The following CLSTN1 variants were observed in gnomAD, a reference collection of about 807,000 sequenced individuals.
The protein encoded by CLSTN1 is calsyntenin 1, also known as calsyntenin-1.
CLSTN1 carries 28 observed loss-of-function variants against 108.3 expected under a neutral mutation model. That is an observed-to-expected ratio of 0.26 (90% CI 0.19 to 0.35). The LOEUF is 0.35. CLSTN1 is among the 10% of genes least tolerant of loss of function. The pLI, the probability that CLSTN1 is intolerant of heterozygous loss-of-function variation, is 1.00. For missense variants in CLSTN1, 1,157 were observed against 1,302.6 expected (o/e 0.89, Z 1.72); for synonymous variants, 524 against 534.9 (o/e 0.98, Z 0.28).
At position 9,739,190 on chromosome 1, in the gene CLSTN1, T is replaced by C. The variant is rs562313386; in HGVS notation, c.1520-1636A>G. Among the ~76,000 whole-genome samples the C allele has an allele frequency of 4.6e-5, 7 of 152,288 alleles. No individual in the cohort carries two copies. In the East Asian group the frequency reaches 9.6e-4, roughly 21 times the overall value. On this transcript the variant is annotated intron_variant, in intron 10 of 18. Coordinates refer to ENST00000377298, the MANE Select transcript of CLSTN1 (RefSeq NM_001009566.3). ...ATTCAGCATTTCCTTTGGCAATAAATGTAGGCTACACACCACAGCAGTTAG... is the reference window on the plus strand; with the variant it reads ...ATTCAGCATTTCCTTTGGCAATAAACGTAGGCTACACACCACAGCAGTTAG...
chr1:9,776,811 T>TATC (rs938828523), intron 1 of CLSTN1, among the ~76,000 whole-genome samples: 1 of 151,978 alleles, frequency 6.6e-6, no homozygotes, highest in African/African-American at 2.4e-5. Context: ...TCTATCTATC[T>TATC]ATCAGCATTT....
chr1:9,756,182 C>G (rs1651797382), intron 3 of CLSTN1, among the ~76,000 whole-genome samples: 1 of 152,182 alleles, frequency 6.6e-6, no homozygotes, highest in African/African-American at 2.4e-5. Context: ...GACTGCACTC[C>G]TTCCACAATT....
chr1:9,782,335 T>C lies in CLSTN1; in HGVS notation c.92-8941A>G, dbSNP rs1449310722. ...CTAAAAAAATGTGTAAAATGAAACA[T>C]AGCAAACATGCCAAACTCCTGTTTA... On this transcript the variant is annotated intron_variant, in intron 1 of 18. Transcript: ENST00000377298. 2.6e-5 allele frequency among the ~76,000 whole-genome samples: 4 copies of C among 152,194 alleles called. No individual in the cohort carries two copies. The South Asian group carries it at 6.2e-4, about 24-fold the overall frequency.
At chr1:9,814,617 G>A (rs1406481515) in intron 1 of CLSTN1, among the ~76,000 whole-genome samples, 1 of 152,186 alleles carries the variant, frequency 6.6e-6, no homozygotes, top group Admixed American at 6.5e-5. Flanking sequence ...TGTAATGAAT[G>A]AAGAAATGTC....
intron 16 of CLSTN1, among the ~76,000 whole-genome samples, chr1:9,732,774 C>T (rs952104308): frequency 6.6e-6 from 1 of 152,218 alleles, no homozygotes; most frequent in Non-Finnish European, 1.5e-5. Flanking sequence ...TGGTCCTGCC[C>T]GTGCGGGTCC....
At chr1:9,781,975 T>C (rs909333932) in intron 1 of CLSTN1, among the ~76,000 whole-genome samples, 1 of 152,202 alleles carries the variant, frequency 6.6e-6, no homozygotes, top group Non-Finnish European at 1.5e-5. Context: ...TGGATTTATA[T>C]TGTATTGGGC....
rs1451521325 is a variant in CLSTN1 at position 9,734,260 on chromosome 1, G to C, written c.2111-118C>G. On this transcript the variant is annotated intron_variant, in intron 14 of 18. Coordinates refer to ENST00000377298, the MANE Select transcript of CLSTN1 (RefSeq NM_001009566.3). The surrounding 1 kb of genome is among the most constrained non-coding windows in gnomAD (Gnocchi z 4.8). ...CTACATGGCTCTCGTAAGGACCAAC[G>C]ACAGAAGCAAGCGAGAGTTGCTTTC... 1.0e-6 allele frequency: 1 copy of C among 981,860 alleles called. No individual in the cohort carries two copies. The highest frequency in any genetic ancestry group is 2.3e-5 in the Admixed American group (1 of 43,132). The allele number at this position is 981,860 out of a possible 1,614,324, so 60.8% of individuals were successfully genotyped here. A position where few individuals can be genotyped will look rare whatever the true frequency, so the allele number is the denominator to read the frequency against.
intron 2 of CLSTN1, among the ~76,000 whole-genome samples, chr1:9,760,332 A>C (rs1376586382): frequency 6.6e-6 from 1 of 152,132 alleles, no homozygotes; most frequent in Non-Finnish European, 1.5e-5. Context: ...GGGCTTTGCA[A>C]AACTCAGGCA....
chr1:9,744,350 A>G (rs1432447087), intron 8 of CLSTN1, 45 bp downstream of exon 8: 1 of 1,569,758 alleles, frequency 6.4e-7, no homozygotes, highest in Non-Finnish European at 8.6e-7. Flanking sequence ...CACCCACCCT[A>G]CTGGACACTG....
chr1:9,763,504 T>C (rs1377626457), intron 2 of CLSTN1, among the ~76,000 whole-genome samples: 1 of 152,190 alleles, frequency 6.6e-6, no homozygotes, highest in Non-Finnish European at 1.5e-5. Context: ...ACAGACAGTC[T>C]GCAGACCTGG....
intron 1 of CLSTN1, among the ~76,000 whole-genome samples, chr1:9,811,962 C>T (rs1654777155): frequency 6.6e-6 from 1 of 151,948 alleles, no homozygotes; most frequent in Non-Finnish European, 1.5e-5. Flanking sequence ...ACAGTTAAAC[C>T]CCATCTCTAC....
chr1:9,773,335 TGTC>T lies in CLSTN1; in HGVS notation c.148_150del (p.Asp50del). On this transcript the variant is annotated inframe_deletion, in exon 2 of 19. Transcript: ENST00000377298. ...AGTGGGGGGTCGAGGAGCACGGTGT[TGTC>T]GTTCTCTGTGACTATGCCGTGGTAG... 1.2e-6 allele frequency: 2 copies of T among 1,614,174 alleles called. No homozygotes were observed. Among genetic ancestry groups the T allele is most frequent in the Non-Finnish European group, 1.7e-6 (2 of 1,180,026 alleles).
intron 1 of CLSTN1, among the ~76,000 whole-genome samples, chr1:9,822,119 A>G (rs1270451092): frequency 6.6e-6 from 1 of 152,250 alleles, no homozygotes. Context: ...ACATATTTTT[A>G]AAATGTGTGG....
intron 10 of CLSTN1, among the ~76,000 whole-genome samples, chr1:9,740,549 C>A (rs775952414): frequency 1.3e-5 from 2 of 152,168 alleles, no homozygotes; most frequent in Non-Finnish European, 2.9e-5. Flanking sequence ...AGGTAAGAAG[C>A]ACTGGTGCTC....
At chr1:9,755,354 T>C (rs1651761293) in intron 3 of CLSTN1, 45 bp from the exon 4 acceptor site, 1 of 1,499,132 alleles carries the variant, frequency 6.7e-7, no homozygotes, top group African/African-American at 1.4e-5. Context: ...ACCACATAGA[T>C]CTTCTGCACC....
intron 8 of CLSTN1, 34 bp from the exon 9 acceptor site, chr1:9,744,039 C>A (rs1168332558): frequency 6.2e-7 from 1 of 1,604,744 alleles, no homozygotes; most frequent in East Asian, 2.2e-5. Flanking sequence ...AAATTGCCAA[C>A]TAAAGATCCA....
chr1:9,753,594 T>C (rs1048542097), intron 4 of CLSTN1, among the ~76,000 whole-genome samples: 1 of 151,710 alleles, frequency 6.6e-6, no homozygotes, highest in Non-Finnish European at 1.5e-5. Flanking sequence ...CAGGTTCAAG[T>C]GATTCTCCTG....
Position 9,823,786 on chromosome 1 carries a change from T to A in CLSTN1, c.-53A>T. On this transcript the variant is annotated 5_prime_UTR_variant, in exon 1 of 19. Coordinates refer to ENST00000377298, the MANE Select transcript of CLSTN1 (RefSeq NM_001009566.3). The surrounding 1 kb of genome is among the most constrained non-coding windows in gnomAD (Gnocchi z 6.3). ...AGGCGCGCGGGACGCCGAGCGGAGCTCTCGGAGCTCTCGGGGCTCTAGGGG... is the reference window on the plus strand; with the variant it reads ...AGGCGCGCGGGACGCCGAGCGGAGCACTCGGAGCTCTCGGGGCTCTAGGGG... The A allele has an allele frequency of 1.1e-6, 1 of 888,206 alleles. No homozygotes were observed. 55.0% of individuals were successfully genotyped at this position (888,206 alleles called of 1,614,324 possible).
chr1:9,823,317 CAGCCACCACCATGGGCTGCAGTGG>C lies in CLSTN1; in HGVS notation c.91+302_91+325del, dbSNP rs1385680380. Among the ~76,000 whole-genome samples the C allele has an allele frequency of 1.3e-5, 2 of 152,346 alleles. No individual in the cohort carries two copies. Among genetic ancestry groups the C allele is most frequent in the East Asian group, 3.9e-4 (2 of 5,178 alleles). ...GTCTGCACGTTCCCCCAAATCAGCG[CAGCCACCACCATGGGCTGCAGTGG>C]GGGCAGCCCAGGCTCAGGAGCCCCG... On this transcript the variant is annotated intron_variant, in intron 1 of 18. Transcript: ENST00000377298. The surrounding 1 kb of genome is among the most constrained non-coding windows in gnomAD (Gnocchi z 6.3).
Sources: allele counts gnomAD v4.1 joint callset (sites outside exome capture counted in the v4.1 genomes callset), GRCh38; gene constraint gnomAD v4.1.1; non-coding constraint Gnocchi (gnomAD v3.1); transcripts MANE v1.5; gene names NCBI Gene and HGNC (gene_info 2026-07-23, HGNC 2026-07-21).